NAV2: variants seen among roughly 807,000 people sequenced by gnomAD.
The protein encoded by NAV2 is helicase, APC down-regulated 1.
NAV2 carries 54 observed loss-of-function variants against 223.2 expected under a neutral mutation model. The observed-to-expected ratio is 0.24, with a 90% CI of 0.19 to 0.30. The LOEUF is 0.30. NAV2 is among the 10% of genes least tolerant of loss of function. The pLI is 1.00. For missense variants in NAV2, 2,806 were observed against 3,147.5 expected, an observed-to-expected ratio of 0.89 and a Z score of 2.60; for synonymous variants, 1,279 against 1,239.3, an observed-to-expected ratio of 1.03 and a Z score of -0.67.
intron 7 of NAV2, among the ~76,000 whole-genome samples, chr11:19,938,667 C>A (rs1172463307): frequency 6.6e-6 from 1 of 152,174 alleles, no homozygotes; most frequent in African/African-American, 2.4e-5. Context: ...TCAAAGTACT[C>A]ATAAGGCCTC....
At chr11:20,085,619 C>T (rs1459624526) in intron 26 of NAV2, among the ~76,000 whole-genome samples, 1 of 152,224 alleles carries the variant, frequency 6.6e-6, no homozygotes, top group Non-Finnish European at 1.5e-5. Context: ...GCCCAACGCT[C>T]AGCAGCTTTA....
At chr11:19,800,050 C>T (rs2058147032) in intron 1 of NAV2, among the ~76,000 whole-genome samples, 1 of 152,188 alleles carries the variant, frequency 6.6e-6, no homozygotes, top group African/African-American at 2.4e-5. Context: ...GGGAGCCCCT[C>T]ATCTTCTATT....
intron 1 of NAV2, among the ~76,000 whole-genome samples, chr11:19,706,922 T>C (rs1032125673): frequency 6.6e-6 from 1 of 152,240 alleles, no homozygotes; most frequent in East Asian, 1.9e-4. Context: ...CTATTGCTGC[T>C]GGGCTACAAG....
chr11:19,488,038 A>G (rs1590314219), intron 1 of NAV2, among the ~76,000 whole-genome samples: 1 of 152,216 alleles, frequency 6.6e-6, no homozygotes, highest in East Asian at 1.9e-4. Context: ...CCTAAAAATT[A>G]GGAAGTACGT....
chr11:19,557,289 G>A (rs1205781784), intron 1 of NAV2, among the ~76,000 whole-genome samples: 1 of 152,208 alleles, frequency 6.6e-6, no homozygotes, highest in Admixed American at 6.5e-5. Context: ...AGCAAATGAT[G>A]GAACCAGAGT....
At chr11:20,114,404 G>A in intron 36 of NAV2, 188 bp from the exon 37 acceptor site, 2 of 612,836 alleles carry the variant, frequency 3.3e-6, no homozygotes, top group Non-Finnish European at 5.8e-6. Flanking sequence ...GGGTCATGCT[G>A]CCTTCAGCCT....
intron 8 of NAV2, among the ~76,000 whole-genome samples, chr11:19,944,065 G>C (rs757052653): frequency 6.6e-6 from 1 of 152,142 alleles, no homozygotes; most frequent in Non-Finnish European, 1.5e-5. Context: ...GCCGGGTGTG[G>C]TGGCGGGCGC....
chr11:19,509,110 A>C (rs1008897307), intron 1 of NAV2, among the ~76,000 whole-genome samples: 1 of 152,270 alleles, frequency 6.6e-6, no homozygotes, highest in Non-Finnish European at 1.5e-5. Flanking sequence ...AAACAGAAAA[A>C]GGACAGAGCA....
chr11:19,712,557 G>C (rs2049942198), upstream of NAV2: 2 of 152,248 alleles, frequency 1.3e-5, no homozygotes, highest in Non-Finnish European at 2.9e-5. Flanking sequence ...GGGGCGGACG[G>C]TTGCGTTCGA....
At position 19,660,746 on chromosome 11, in the gene NAV2, C is replaced by T. The variant is rs78716474; in HGVS notation, c.76-171738C>T. Among the ~76,000 whole-genome samples the T allele has an allele frequency of 8.9e-3, 1,361 of 152,240 alleles. 10 individuals are homozygous for T. Among genetic ancestry groups the T allele is most frequent in the Non-Finnish European group, 0.016 (1,056 of 68,018 alleles). On this transcript the variant is annotated intron_variant, in intron 1 of 37. Transcript: ENST00000360655. ...TATAATATTGAATATAATTTCTAAA[C>T]ATTTGTCTGCTGCTCCAAGGTTCTG...
intron 1 of NAV2, among the ~76,000 whole-genome samples, chr11:19,651,493 A>G (rs2135652288): frequency 6.6e-6 from 1 of 152,326 alleles, no homozygotes; most frequent in South Asian, 2.1e-4. Flanking sequence ...ACCGGGCCAC[A>G]TGGCTGCAGA....
At chr11:19,626,315 T>C (rs2047168950) in intron 1 of NAV2, among the ~76,000 whole-genome samples, 1 of 152,248 alleles carries the variant, frequency 6.6e-6, no homozygotes, top group Non-Finnish European at 1.5e-5. Flanking sequence ...TCTTGGCATC[T>C]TTGTCAAAAA....
At chr11:20,112,133 C>T (rs1236764163) in intron 36 of NAV2, among the ~76,000 whole-genome samples, 4 of 152,218 alleles carry the variant, frequency 2.6e-5, no homozygotes, top group Admixed American at 1.3e-4. Context: ...CAAAATTGCA[C>T]AAATGGTTCT....
intron 9 of NAV2, among the ~76,000 whole-genome samples, chr11:19,948,089 T>C (rs903657299): frequency 6.6e-6 from 1 of 151,982 alleles, no homozygotes; most frequent in Admixed American, 6.5e-5. Flanking sequence ...TTCTTATTTT[T>C]TTTTTTGCCG....
At chr11:20,077,454 C>A in intron 22 of NAV2, 98 bp from the exon 23 acceptor site, 3 of 881,924 alleles carry the variant, frequency 3.4e-6, no homozygotes, top group Non-Finnish European at 5.6e-6. Context: ...TAGCCTAGAT[C>A]AATGGACCCA....
At chr11:19,990,223 G>C (rs2051189358) in intron 11 of NAV2, among the ~76,000 whole-genome samples, 1 of 152,122 alleles carries the variant, frequency 6.6e-6, no homozygotes, top group African/African-American at 2.4e-5. Context: ...TTTAGAAAAG[G>C]GATGCCCATT....
chr11:19,407,321 G>T (rs984012589), intron 1 of NAV2, among the ~76,000 whole-genome samples: 1 of 152,162 alleles, frequency 6.6e-6, no homozygotes. Flanking sequence ...TGCTGAGAGA[G>T]GCTGACAAGC....
At chr11:20,114,882 G>A in intron 37 of NAV2, 87 bp downstream of exon 37, 1 of 1,317,152 alleles carries the variant, frequency 7.6e-7, no homozygotes, top group Non-Finnish European at 1.1e-6. Flanking sequence ...GAAATACAAA[G>A]GTGACTAAAT....
chr11:19,544,178 T>C (rs1363579288), intron 1 of NAV2, among the ~76,000 whole-genome samples: 2 of 152,374 alleles, frequency 1.3e-5, no homozygotes, highest in South Asian at 2.1e-4. Flanking sequence ...ATAGCAATTA[T>C]GTTGGCAGAG....
Sources: allele counts gnomAD v4.1 joint callset (sites outside exome capture counted in the v4.1 genomes callset), GRCh38; gene constraint gnomAD v4.1.1; transcripts MANE v1.5; gene names NCBI Gene and HGNC (gene_info 2026-07-23, HGNC 2026-07-21).